ME1: variants seen among roughly 807,000 people sequenced by gnomAD.
The protein encoded by ME1 is NADP-dependent malic enzyme.
ME1 carries 74 observed loss-of-function variants against 66.4 expected under a neutral mutation model. That is an observed-to-expected ratio of 1.11 (90% CI 0.92 to 1.35). The LOEUF (loss-of-function observed/expected upper bound fraction) is 1.35. Ranked by LOEUF, ME1 falls within the 40% of genes most tolerant of loss-of-function variation. The pLI is 0.00. For synonymous variants in ME1, 251 were observed against 235.6 expected (o/e 1.07, Z -0.60); for missense variants, 750 against 694.1 (o/e 1.08, Z -0.90).
At chr6:83,363,475 C>G (rs1215856500) in intron 3 of ME1, among the ~76,000 whole-genome samples, 4 of 152,050 alleles carry the variant, frequency 2.6e-5, no homozygotes, top group African/African-American at 9.7e-5. Context: ...ACTGCCATGC[C>G]CTGTGATTAA....
chr6:83,299,952 G>A (rs528129895), intron 6 of ME1, among the ~76,000 whole-genome samples: 9 of 152,204 alleles, frequency 5.9e-5, no homozygotes, highest in South Asian at 2.1e-4. Flanking sequence ...GGATGAAACC[G>A]ACTTGAATGC....
At chr6:83,304,006 T>C (rs1767778337) in intron 6 of ME1, among the ~76,000 whole-genome samples, 1 of 152,170 alleles carries the variant, frequency 6.6e-6, no homozygotes. Context: ...ATTATGGTCC[T>C]AGTAATCCTT....
At chr6:83,260,957 A>G (rs914890649) in intron 6 of ME1, among the ~76,000 whole-genome samples, 12 of 152,164 alleles carry the variant, frequency 7.9e-5, no homozygotes, top group African/African-American at 2.9e-4. Flanking sequence ...AATAATTTAT[A>G]TTCTTTTGGG....
At chr6:83,397,206 G>A (rs1343341827) in intron 3 of ME1, among the ~76,000 whole-genome samples, 1 of 152,188 alleles carries the variant, frequency 6.6e-6, no homozygotes, top group Non-Finnish European at 1.5e-5. Flanking sequence ...TGGAATAGGA[G>A]AGAATATCTG....
At chr6:83,399,645 A>G (rs1051349227) in intron 2 of ME1, among the ~76,000 whole-genome samples, 17 of 152,208 alleles carry the variant, frequency 1.1e-4, no homozygotes, top group African/African-American at 4.1e-4. Flanking sequence ...TTTCTGACCC[A>G]GAGTTATCTT....
At chr6:83,219,064 C>A (rs1790041393) in intron 12 of ME1, among the ~76,000 whole-genome samples, 1 of 152,112 alleles carries the variant, frequency 6.6e-6, no homozygotes, top group Non-Finnish European at 1.5e-5. Flanking sequence ...AAGTTATGGG[C>A]TCTTACCGAA....
At chr6:83,232,598 A>C (rs930308003) in intron 9 of ME1, among the ~76,000 whole-genome samples, 2 of 152,210 alleles carry the variant, frequency 1.3e-5, no homozygotes, top group South Asian at 4.1e-4. Context: ...GGGAGAAAAC[A>C]ATCAAGCCAG....
chr6:83,235,998 A>C (rs1365041982), intron 9 of ME1, among the ~76,000 whole-genome samples: 1 of 152,104 alleles, frequency 6.6e-6, no homozygotes, highest in Non-Finnish European at 1.5e-5. Flanking sequence ...GGTAATATGC[A>C]TTTGATATAT....
intron 6 of ME1, among the ~76,000 whole-genome samples, chr6:83,287,839 T>A (rs1372375892): frequency 2.6e-5 from 4 of 152,188 alleles, no homozygotes; most frequent in African/African-American, 9.7e-5. Flanking sequence ...TTCTAATGAT[T>A]GCCTTTCTAA....
At chr6:83,257,626 C>T (rs1766803142) in intron 6 of ME1, among the ~76,000 whole-genome samples, 1 of 152,170 alleles carries the variant, frequency 6.6e-6, no homozygotes, top group Non-Finnish European at 1.5e-5. Context: ...CAAGGAAACA[C>T]TTTAGCTAGC....
At chr6:83,357,311 T>G in intron 3 of ME1, among the ~76,000 whole-genome samples, 1 of 152,218 alleles carries the variant, frequency 6.6e-6, no homozygotes. Context: ...AAGTATTTTG[T>G]GAAAGGATTC....
chr6:83,401,015 C>T (rs1266759281), intron 2 of ME1, among the ~76,000 whole-genome samples: 1 of 152,162 alleles, frequency 6.6e-6, no homozygotes, highest in Non-Finnish European at 1.5e-5. Flanking sequence ...ACCCTTATCA[C>T]CCAACTCAAC....
At chr6:83,407,654 C>T in intron 2 of ME1, 114 bp downstream of exon 2, 1 of 1,047,968 alleles carries the variant, frequency 9.5e-7, no homozygotes, top group Non-Finnish European at 1.3e-6. Flanking sequence ...AAATTCTTCT[C>T]AAAGTTGGCT....
chr6:83,366,222 G>A (rs1452960570), intron 3 of ME1, among the ~76,000 whole-genome samples: 1 of 152,126 alleles, frequency 6.6e-6, no homozygotes. Flanking sequence ...TTAGGCATCT[G>A]TCCAATACCT....
At chr6:83,321,290 A>G (rs896790586) in intron 5 of ME1, among the ~76,000 whole-genome samples, 7 of 152,116 alleles carry the variant, frequency 4.6e-5, no homozygotes, top group Non-Finnish European at 1.0e-4. Flanking sequence ...TGGCACCTAG[A>G]ATGCCAGCGA....
At position 83,229,973 on chromosome 6, in the gene ME1, C is replaced by T. The variant is rs147248330; in HGVS notation, c.1027-1042G>A. Among the ~76,000 whole-genome samples, 61 of 152,120 alleles carry T rather than the reference C, an allele frequency of 4.0e-4. No homozygotes were observed. In the East Asian group the frequency reaches 5.2e-3, roughly 13 times the overall value. On this transcript the variant is annotated intron_variant, in intron 9 of 13. Coordinates refer to ENST00000369705, the MANE Select transcript of ME1 (RefSeq NM_002395.6). The stretch of plus-strand genomic sequence containing the variant: ...TAGTAGCTGGAACTACAGGCATGCA[C>T]CACCATGCTTGGCTAATTTATCATT...
At chr6:83,245,057 G>A (rs1481537360) in intron 7 of ME1, among the ~76,000 whole-genome samples, 1 of 152,066 alleles carries the variant, frequency 6.6e-6, no homozygotes, top group Non-Finnish European at 1.5e-5. Flanking sequence ...TTCCGAGGAA[G>A]AAATAAAAGG....
At chr6:83,291,939 G>A (rs546464391) in intron 6 of ME1, among the ~76,000 whole-genome samples, 3 of 152,022 alleles carry the variant, frequency 2.0e-5, no homozygotes, top group Admixed American at 6.5e-5. Flanking sequence ...TTTGCTTCGC[G>A]AAGTTCTTGT....
At chr6:83,280,936 C>G (rs191820559) in intron 6 of ME1, among the ~76,000 whole-genome samples, 1 of 152,150 alleles carries the variant, frequency 6.6e-6, no homozygotes, top group Admixed American at 6.5e-5. Context: ...ATATTTAATC[C>G]CTGTTGAGGA....
Sources: gnomAD v4.1 joint callset for allele counts (sites outside exome capture counted in the v4.1 genomes callset) on GRCh38, gnomAD v4.1.1 for gene constraint, MANE v1.5 for transcripts, NCBI Gene and HGNC (gene_info 2026-07-23, HGNC 2026-07-21) for gene names.